Variants in PAN3 observed in about 807,000 individuals in gnomAD.
PAN3 encodes the protein PAN2-PAN3 deadenylation complex subunit PAN3.
A neutral mutation model predicts 96.2 loss-of-function variants in PAN3; 19 were observed. The ratio of observed to expected loss-of-function variants is 0.20; its 90% CI spans 0.14 to 0.29. The LOEUF (loss-of-function observed/expected upper bound fraction) is 0.29, where lower values mean the gene tolerates loss of function less well. Ranked by LOEUF, PAN3 falls within the 10% of genes least tolerant of loss-of-function variation. The pLI is 1.00. For synonymous variants in PAN3, 433 were observed against 406.6 expected, an observed-to-expected ratio of 1.06 and a Z score of -0.78; for missense variants, 882 against 1,108.1, an observed-to-expected ratio of 0.80 and a Z score of 2.90.
intron 6 of PAN3, chr13:28,239,580 G>C: frequency 1.6e-6 from 2 of 1,285,458 alleles, no homozygotes; most frequent in Middle Eastern, 4.3e-4. Flanking sequence ...TTTCTCTAGG[G>C]AACAAGCTAC....
At chr13:28,236,126 G>A (rs1157974037) in intron 6 of PAN3, among the ~76,000 whole-genome samples, 1 of 152,154 alleles carries the variant, frequency 6.6e-6, no homozygotes, top group Non-Finnish European at 1.5e-5. Flanking sequence ...AAGAGCTACA[G>A]TTAAGTATTA....
chr13:28,165,094 G>C (rs934083750), intron 1 of PAN3, among the ~76,000 whole-genome samples: 14 of 152,112 alleles, frequency 9.2e-5, no homozygotes, highest in Non-Finnish European at 1.9e-4. Flanking sequence ...TTTTAGTAGA[G>C]ACGGGGTTTC....
At chr13:28,289,768 G>C (rs748616939) in intron 18 of PAN3, among the ~76,000 whole-genome samples, 1 of 152,148 alleles carries the variant, frequency 6.6e-6, no homozygotes, top group Non-Finnish European at 1.5e-5. Flanking sequence ...AGTAGTCCCA[G>C]CTACTCGGGA....
chr13:28,146,704 G>A (rs1870701451), intron 1 of PAN3, among the ~76,000 whole-genome samples: 3 of 152,138 alleles, frequency 2.0e-5, no homozygotes. Flanking sequence ...CAGGCCAGGC[G>A]CAGTGGCTCA....
chr13:28,257,113 C>T (rs777625233), intron 7 of PAN3, among the ~76,000 whole-genome samples: 12 of 151,820 alleles, frequency 7.9e-5, no homozygotes, highest in Admixed American at 2.0e-4. Context: ...AAAGGACTGG[C>T]GATGAAGTGA....
intron 4 of PAN3, among the ~76,000 whole-genome samples, chr13:28,182,774 TTTC>T (rs1875963934): frequency 1.3e-5 from 2 of 152,184 alleles, no homozygotes; most frequent in South Asian, 2.1e-4. Flanking sequence ...TTTTCTCCGC[TTTC>T]TTCTTTGTTT....
chr13:28,157,130 T>A (rs1193263122), intron 1 of PAN3, among the ~76,000 whole-genome samples: 2 of 151,642 alleles, frequency 1.3e-5, no homozygotes, highest in Non-Finnish European at 2.9e-5. Context: ...AACAACCATA[T>A]TATCATCTCA....
intron 4 of PAN3, among the ~76,000 whole-genome samples, chr13:28,179,014 G>A (rs1188851226): frequency 6.6e-6 from 1 of 152,178 alleles, no homozygotes; most frequent in East Asian, 1.9e-4. Context: ...TATAAATTAT[G>A]TTAAAACCTC....
Position 28,138,890 on chromosome 13 carries a change from G to T in PAN3, c.233G>T (p.Gly78Val). Residue 78 changes from glycine to valine, a missense_variant, in exon 1 of 19, where the codon GGC becomes GTC. Gly to Val is a moderately radical substitution (Grantham distance 109). Around this residue, in one of 3 missense-constraint regions of PAN3, gnomAD observed 442 missense variants for 422.8 expected, o/e 1.05. Coordinates refer to ENST00000380958, the MANE Select transcript of PAN3 (RefSeq NM_175854.8). ...GACCCTGCCGCCGGGGCTGCCCCGG[G>T]CCTCGGCCTCCATAGCAACAGCGTC... ...HEDPAAGAAP[G>V]LGLHSNSVPL... is the part of the protein sequence containing the mutation. 7.1e-7 allele frequency: 1 copy of T among 1,405,296 alleles called. No individual in the cohort carries two copies. Among genetic ancestry groups the T allele is most frequent in the Non-Finnish European group, 9.2e-7 (1 of 1,084,314 alleles). The allele number at this position is 1,405,296 out of a possible 1,614,324, so 87.1% of individuals were successfully genotyped here.
chr13:28,274,886 G>T (rs1886934771), intron 14 of PAN3, among the ~76,000 whole-genome samples: 3 of 152,128 alleles, frequency 2.0e-5, no homozygotes, highest in Admixed American at 2.0e-4. Flanking sequence ...CATGAGGAGT[G>T]CATTGTTTCT....
intron 5 of PAN3, among the ~76,000 whole-genome samples, chr13:28,204,533 T>C (rs969281290): frequency 2.6e-5 from 4 of 152,248 alleles, no homozygotes; most frequent in African/African-American, 4.8e-5. Context: ...CCTGCAGTTA[T>C]ATTCATATGT....
Position 28,165,630 on chromosome 13 carries a change from A to C in PAN3, c.431-8642A>C, listed in dbSNP as rs117620995. ...ATCTATAATGATTGTTCAATTTCTT[A>C]TTATTCTATAGTGTCTTAGTTCATT... On this transcript the variant is annotated intron_variant, in intron 1 of 18. Coordinates refer to ENST00000380958, the MANE Select transcript of PAN3 (RefSeq NM_175854.8). Among the ~76,000 whole-genome samples the C allele has an allele frequency of 1.4e-3, 212 of 152,240 alleles. 1 individual carries two copies. Among genetic ancestry groups the C allele is most frequent in the Non-Finnish European group, 2.4e-3 (161 of 68,024 alleles).
chr13:28,283,743 T>C (rs114319477), intron 17 of PAN3, among the ~76,000 whole-genome samples: 253 of 152,336 alleles, frequency 1.7e-3, no homozygotes, highest in African/African-American at 5.7e-3. Flanking sequence ...GTTATTCCTA[T>C]TTAACAGAGT....
intron 6 of PAN3, among the ~76,000 whole-genome samples, chr13:28,232,200 A>AG (rs527622977): frequency 2.0e-5 from 3 of 152,228 alleles, no homozygotes; most frequent in Non-Finnish European, 4.4e-5. Context: ...TGTAAAAATG[A>AG]GGATAAGGGG....
intron 18 of PAN3, among the ~76,000 whole-genome samples, chr13:28,288,964 C>A (rs1869349013): frequency 6.6e-6 from 1 of 151,102 alleles, no homozygotes; most frequent in South Asian, 2.1e-4. Flanking sequence ...GTAGCTGGGA[C>A]TACAGGCACC....
chr13:28,223,871 ATTTTTTTT>A (rs560571140), intron 6 of PAN3, among the ~76,000 whole-genome samples: 5,507 of 74,744 alleles, frequency 0.074, 95 homozygotes, highest in South Asian at 0.19. Flanking sequence ...ATGAAAAGTG[ATTTTTTTT>A]TTTTTTTTTT....
intron 18 of PAN3, among the ~76,000 whole-genome samples, chr13:28,288,645 A>C (rs1869286025): frequency 6.6e-6 from 1 of 152,150 alleles, no homozygotes; most frequent in Non-Finnish European, 1.5e-5. Flanking sequence ...ATGATAAAGT[A>C]TCACAAAATG....
At chr13:28,190,715 G>T (rs967550649) in intron 4 of PAN3, among the ~76,000 whole-genome samples, 1 of 152,180 alleles carries the variant, frequency 6.6e-6, no homozygotes, top group Non-Finnish European at 1.5e-5. Flanking sequence ...TAGAATCATG[G>T]TAAGTGATAA....
chr13:28,168,255 C>T (rs1293743113), intron 1 of PAN3, among the ~76,000 whole-genome samples: 1 of 152,204 alleles, frequency 6.6e-6, no homozygotes, highest in South Asian at 2.1e-4. Context: ...ATTATACCTA[C>T]TCGCTGAGCA....
Sources: allele counts gnomAD v4.1 joint callset (sites outside exome capture counted in the v4.1 genomes callset), GRCh38; gene constraint gnomAD v4.1.1; regional missense constraint gnomAD v4.1.1; transcripts MANE v1.5; gene names NCBI Gene and HGNC (gene_info 2026-07-23, HGNC 2026-07-21).